Variants in CANX observed in about 807,000 individuals in gnomAD.
CANX encodes epididymis secretory sperm binding protein.
Under a neutral mutation model 75.7 loss-of-function variants are expected in CANX, and 14 were observed. The ratio of observed to expected loss-of-function variants is 0.19; its 90% confidence interval spans 0.12 to 0.29. The LOEUF (loss-of-function observed/expected upper bound fraction) is 0.29, where lower values mean the gene tolerates loss of function less well. CANX is among the 10% of genes least tolerant of loss of function. The pLI is 1.00. For synonymous variants in CANX, 227 were observed against 236.9 expected (o/e 0.96, Z 0.38); for missense variants, 567 against 713.2 (o/e 0.79, Z 2.34).
intron 6 of CANX, among the ~76,000 whole-genome samples, chr5:179,709,265 T>G (rs1374291704): frequency 6.6e-6 from 1 of 152,082 alleles, no homozygotes; most frequent in Non-Finnish European, 1.5e-5. Flanking sequence ...ATACAAAAAA[T>G]TAGCCAGGCG....
chr5:179,678,862 C>G (rs1280754588), intron 1 of CANX: 17 of 1,536,378 alleles, frequency 1.1e-5, no homozygotes, highest in Admixed American at 5.9e-5. Context: ...AGAGCAGCGG[C>G]GACCGCGTCC....
intron 1 of CANX, among the ~76,000 whole-genome samples, chr5:179,691,355 G>T (rs1430827297): frequency 6.6e-6 from 1 of 152,032 alleles, no homozygotes; most frequent in Non-Finnish European, 1.5e-5. Flanking sequence ...TGTGTGGCTG[G>T]TTAATATTTT....
chr5:179,694,756 G>T (rs779737745), upstream of CANX: 2 of 625,648 alleles, frequency 3.2e-6, no homozygotes, highest in Admixed American at 5.2e-5. Flanking sequence ...GAGATGAGGA[G>T]GAGGATGAAT....
At chr5:179,679,162 G>C in intron 1 of CANX, 1 of 1,535,406 alleles carries the variant, frequency 6.5e-7, no homozygotes, top group Non-Finnish European at 8.7e-7. Context: ...TGTAGGGCAC[G>C]CAGGTGCTCG....
At chr5:179,695,800 G>A (rs1009927872), upstream of CANX, among the ~76,000 whole-genome samples, 6 of 151,708 alleles carry the variant, frequency 4.0e-5, no homozygotes, top group African/African-American at 7.3e-5. Context: ...ACAGGCGCCC[G>A]CCACTGCGCC....
chr5:179,707,276 G>A, intron 4 of CANX, 86 bp downstream of exon 4: 1 of 820,866 alleles, frequency 1.2e-6, no homozygotes, highest in Non-Finnish European at 2.1e-6. Context: ...TAGTTTAAAA[G>A]GACATAGTAG....
At chr5:179,690,734 C>T (rs1776286340) in intron 1 of CANX, among the ~76,000 whole-genome samples, 1 of 151,328 alleles carries the variant, frequency 6.6e-6, no homozygotes, top group Non-Finnish European at 1.5e-5. Flanking sequence ...ACTAAAAATA[C>T]AAAAATTAGC....
intron 1 of CANX, among the ~76,000 whole-genome samples, chr5:179,685,283 G>GT (rs891774487): frequency 7.3e-5 from 11 of 150,390 alleles, no homozygotes; most frequent in Admixed American, 2.7e-4. Context: ...GTTTATTTGT[G>GT]TTTTTTTTGA....
At chr5:179,689,296 G>A (rs1038970435) in intron 1 of CANX, among the ~76,000 whole-genome samples, 5 of 149,378 alleles carry the variant, frequency 3.3e-5, no homozygotes, top group Non-Finnish European at 4.4e-5. Flanking sequence ...ACGTCAGACC[G>A]ATCATAGATG....
rs146779687 is a variant in CANX, at chr5:179,719,813, C to T, written c.1025+32C>T. 3,695 of 1,212,992 alleles carry T rather than the reference C, an allele frequency of 3.0e-3. 9 individuals are homozygous for T. The highest frequency in any genetic ancestry group is 4.0e-3 in the Non-Finnish European group (3,367 of 846,596). 75.1% of individuals were successfully genotyped at this position (1,212,992 alleles called of 1,614,324 possible). A position where few individuals can be genotyped will look rare whatever the true frequency, so the allele number is the denominator to read the frequency against. ...ACTTCAGTTAACTTTTTTTAATTAC[C>T]TGGTTTTTTTGTTTGTTTTTTTTTT... On this transcript the variant is annotated intron_variant, in intron 9 of 14. Transcript: ENST00000247461.
upstream of CANX, chr5:179,698,686 C>A (rs1053304512): frequency 1.4e-5 from 14 of 1,005,584 alleles, no homozygotes; most frequent in African/African-American, 2.2e-4. Context: ...ACCAGCCCCG[C>A]CCCGAGACGC....
chr5:179,708,923 G>A, intron 5 of CANX, 55 bp from the exon 6 acceptor site: 1 of 887,538 alleles, frequency 1.1e-6, no homozygotes, highest in Non-Finnish European at 1.9e-6. Flanking sequence ...TACATTAAGA[G>A]AGTTTCGATC....
At position 179,684,926 on chromosome 5, in the gene CANX, A is replaced by ATTTTTTTTTTTT. The variant is rs71001039; in HGVS notation, c.-4+6168_-4+6179dup. Among the ~76,000 whole-genome samples the ATTTTTTTTTTTT allele has an allele frequency of 2.2e-3, 108 of 49,140 alleles. 13 individuals are homozygous for ATTTTTTTTTTTT. The highest frequency in any genetic ancestry group is 7.9e-3 in the African/African-American group (87 of 11,060). 32.2% of individuals were successfully genotyped at this position (49,140 alleles called of 152,430 possible). On this transcript the variant is annotated intron_variant, in intron 1 of 14. Transcript: ENST00000681674. ...TGCCACCACACCTGGCTAATTTTGT[A>ATTTTTTTTTTTT]TTTTTTTTTTTTTTTTTTTTTTTTT...
chr5:179,686,885 C>A (rs1481423385), intron 1 of CANX, among the ~76,000 whole-genome samples: 1 of 152,184 alleles, frequency 6.6e-6, no homozygotes, highest in East Asian at 1.9e-4. Context: ...TCAAGCAATT[C>A]TCCTGCCTCA....
Position 179,693,357 on chromosome 5 carries a change from A to G in CANX, c.-3-12322A>G, listed in dbSNP as rs77892642. 1.2e-4 allele frequency among the ~76,000 whole-genome samples: 8 copies of G among 68,478 alleles called. 1 individual carries two copies. Among genetic ancestry groups the G allele is most frequent in the Non-Finnish European group, 3.3e-4 (8 of 24,480 alleles). 44.9% of individuals were successfully genotyped at this position (68,478 alleles called of 152,430 possible). Reference sequence around the variant, plus strand: ...GAGTTTGAGACCAGCCTGGGCAAGAAAGTGAGACTCTATCTCTACAAAAAA... The same window carrying G: ...GAGTTTGAGACCAGCCTGGGCAAGAGAGTGAGACTCTATCTCTACAAAAAA... On this transcript the variant is annotated intron_variant, in intron 1 of 14. Coordinates refer to the CANX transcript ENST00000681674.
intron 7 of CANX, among the ~76,000 whole-genome samples, chr5:179,715,618 G>A (rs902482099): frequency 3.3e-5 from 5 of 152,174 alleles, no homozygotes; most frequent in Non-Finnish European, 7.3e-5. Flanking sequence ...TTAAAAAGTA[G>A]AAAGTAGAAT....
chr5:179,702,691 CTGTT>C (rs565033414), intron 1 of CANX, among the ~76,000 whole-genome samples: 237 of 152,028 alleles, frequency 1.6e-3, no homozygotes, highest in African/African-American at 5.2e-3. Flanking sequence ...CCTTCTTTTT[CTGTT>C]TGTTTGTTTG....
At position 179,705,647 on chromosome 5, in the gene CANX, T is replaced by C. The variant is rs756587021; in HGVS notation, c.-3-32T>C. ...CTTCATGAAGTTTGATAGGTGGCAA[T>C]ACATTTAACTGATTTTGCTCTTTAT... is the stretch of plus-strand genomic sequence containing the variant. On this transcript the variant is annotated intron_variant, in intron 1 of 14. Coordinates refer to ENST00000247461, the MANE Select transcript of CANX (RefSeq NM_001746.4). 5 of 1,558,752 alleles carry C rather than the reference T, an allele frequency of 3.2e-6. No homozygotes were observed. In the South Asian group the frequency reaches 4.6e-5, roughly 14 times the overall value.
At chr5:179,680,235 G>C (rs180959074) in intron 1 of CANX, among the ~76,000 whole-genome samples, 1 of 152,130 alleles carries the variant, frequency 6.6e-6, no homozygotes, top group Non-Finnish European at 1.5e-5. Context: ...AGGCAGGCTC[G>C]GAAGCTTAGA....
Sources: gnomAD v4.1 joint callset for allele counts (sites outside exome capture counted in the v4.1 genomes callset) on GRCh38, gnomAD v4.1.1 for gene constraint, MANE v1.5 for transcripts, NCBI Gene and HGNC (gene_info 2026-07-23, HGNC 2026-07-21) for gene names.